Variants in CRB2 observed in about 807,000 individuals in gnomAD.
CRB2 encodes protein crumbs homolog 2.
In CRB2, 85 loss-of-function variants were observed where a neutral mutation model predicts 110.9. That is an observed-to-expected ratio of 0.77 (90% CI 0.64 to 0.92). The LOEUF (loss-of-function observed/expected upper bound fraction) is 0.92. Ranked by LOEUF, CRB2 falls within the 40% of genes least tolerant of loss-of-function variation. The pLI is 0.00. For missense variants in CRB2, 1,843 were observed against 1,851.3 expected (o/e 1.00, Z 0.08); for synonymous variants, 907 against 831.0 (o/e 1.09, Z -1.57).
chr9:123,371,884 G>C (rs1336856812), intron 8 of CRB2, among the ~76,000 whole-genome samples: 2 of 152,108 alleles, frequency 1.3e-5, no homozygotes, highest in East Asian at 3.9e-4. Flanking sequence ...TTGGGGAGCG[G>C]GACACGCTTT....
At position 123,359,082 on chromosome 9, in the gene CRB2, G is replaced by A. The variant is rs79867995; in HGVS notation, c.94+2728G>A. Among the ~76,000 whole-genome samples the A allele has an allele frequency of 8.3e-3, 1,265 of 152,242 alleles. 12 individuals carry two copies. The highest frequency in any genetic ancestry group is 0.029 in the African/African-American group (1,200 of 41,520). On this transcript the variant is annotated intron_variant, in intron 1 of 12. Coordinates refer to ENST00000373631, the MANE Select transcript of CRB2 (RefSeq NM_173689.7). ...GTGCCAGGCACAGGGTAGGTGCTCC[G>A]TCCCTGACAGCTATTGTTGCAATTA...
At chr9:123,362,329 C>A (rs2041877735) in intron 1 of CRB2, among the ~76,000 whole-genome samples, 2 of 152,092 alleles carry the variant, frequency 1.3e-5, no homozygotes, top group Admixed American at 6.5e-5. Flanking sequence ...GGAGGAGCCT[C>A]ACCCTCTGGG....
chr9:123,355,729 G>C (rs566173470), upstream of CRB2, among the ~76,000 whole-genome samples: 28 of 151,000 alleles, frequency 1.9e-4, no homozygotes, highest in South Asian at 3.2e-3. Context: ...AGCAGCAGGT[G>C]GGGGGACGAG....
At chr9:123,376,488 G>A (rs866128180) in intron 12 of CRB2, among the ~76,000 whole-genome samples, 1 of 152,212 alleles carries the variant, frequency 6.6e-6, no homozygotes, top group South Asian at 2.1e-4. Flanking sequence ...GTGGCAGGGG[G>A]CCGCTCAGCC....
chr9:123,354,769 G>GTATCACC (rs2041780851), upstream of CRB2, among the ~76,000 whole-genome samples: 1 of 152,222 alleles, frequency 6.6e-6, no homozygotes, highest in Non-Finnish European at 1.5e-5. Flanking sequence ...TGGGGCAGGG[G>GTATCACC]CAGTGGATAA....
chr9:123,360,013 G>A (rs1047309382), intron 1 of CRB2, among the ~76,000 whole-genome samples: 2 of 152,114 alleles, frequency 1.3e-5, no homozygotes, highest in Non-Finnish European at 2.9e-5. Context: ...TGGCAATTTA[G>A]GGTTTGTAAA....
Position 123,367,775 on chromosome 9 carries a change from G to A in CRB2, c.1054+89G>A, listed in dbSNP as rs113510098. On this transcript the variant is annotated intron_variant, in intron 6 of 12. Coordinates refer to ENST00000373631, the MANE Select transcript of CRB2 (RefSeq NM_173689.7). Reference sequence around the variant, plus strand: ...TTCTGTCTGGATGTGTGGATTGATGGGGTCAAGGAGATCAGGGAGGAGGTG... The same window carrying A: ...TTCTGTCTGGATGTGTGGATTGATGAGGTCAAGGAGATCAGGGAGGAGGTG... 6.9e-6 allele frequency: 6 copies of A among 875,674 alleles called. No individual in the cohort carries two copies. The African/African-American group carries it at 8.2e-5, about 12-fold the overall frequency. 54.2% of individuals were successfully genotyped at this position (875,674 alleles called of 1,614,324 possible).
chr9:123,375,683 G>A (rs1438416395), intron 12 of CRB2, among the ~76,000 whole-genome samples: 1 of 152,208 alleles, frequency 6.6e-6, no homozygotes. Flanking sequence ...TGGGATTTAG[G>A]TTGGTGAATC....
At position 123,367,602 on chromosome 9, in the gene CRB2, T is replaced by A; in HGVS notation, c.970T>A (p.Cys324Ser). Residue 324 changes from cysteine to serine, a missense_variant, in exon 6 of 13, where the codon TGT becomes AGT. By Grantham distance (112) the Cys-to-Ser change is moderately radical. Transcript: ENST00000373631. Reference sequence around the variant, plus strand: ...CGACTGCGGTGTGGAGGTGGACGAGTGTGCCTCACGGCCATGCCTCAACGG... The same window carrying A: ...CGACTGCGGTGTGGAGGTGGACGAGAGTGCCTCACGGCCATGCCTCAACGG... ...GADCGVEVDECASRPCLNGGH... is the reference protein window; with the variant it reads ...GADCGVEVDESASRPCLNGGH... 2 of 1,563,396 alleles carry A rather than the reference T, an allele frequency of 1.3e-6. No individual in the cohort carries two copies. The highest frequency in any genetic ancestry group is 1.7e-6 in the Non-Finnish European group (2 of 1,154,882).
chr9:123,367,440 C>T, intron 5 of CRB2, 83 bp downstream of exon 5: 4 of 1,006,082 alleles, frequency 4.0e-6, no homozygotes, highest in Non-Finnish European at 4.0e-6. Flanking sequence ...CCCCCCCCAC[C>T]CCCCCACCCC....
chr9:123,362,536 T>C (rs913004106), intron 1 of CRB2, among the ~76,000 whole-genome samples: 7 of 152,182 alleles, frequency 4.6e-5, no homozygotes, highest in Non-Finnish European at 1.0e-4. Context: ...GCATGACGGA[T>C]ACTGCCTCAA....
In CRB2 at chr9:123,374,569, C is replaced by G. The variant is rs776393875; in HGVS notation, c.3390-10C>G. On this transcript the variant is annotated splice_polypyrimidine_tract_variant and intron_variant, in intron 10 of 12. Transcript: ENST00000373631. ...TCCTGCACCCACTCCAGCCTCTGCT[C>G]TCTCCCCAGGTTGCCTGTCCCATCC... is the stretch of plus-strand genomic sequence containing the variant. 3 of 1,606,624 alleles carry G rather than the reference C, an allele frequency of 1.9e-6. No homozygotes were observed. Among genetic ancestry groups the G allele is most frequent in the South Asian group, 1.1e-5 (1 of 90,866 alleles).
intron 6 of CRB2, among the ~76,000 whole-genome samples, chr9:123,369,832 T>TG (rs1303411248): frequency 1.3e-5 from 2 of 151,734 alleles, no homozygotes; most frequent in African/African-American, 4.8e-5. Context: ...CCCAGACAGC[T>TG]GGTAAGGCAG....
downstream of CRB2, among the ~76,000 whole-genome samples, chr9:123,379,477 G>A (rs1466899824): frequency 6.6e-6 from 1 of 152,262 alleles, no homozygotes; most frequent in Admixed American, 6.5e-5. Flanking sequence ...GAGGGGCAGA[G>A]CATGAGCTGG....
rs1254522511 is a variant in CRB2 at position 123,377,336 on chromosome 9, CAGTGTGTTCAGG to C, written c.*282_*293del. On this transcript the variant is annotated 3_prime_UTR_variant, in exon 13 of 13. Coordinates refer to ENST00000373631, the MANE Select transcript of CRB2 (RefSeq NM_173689.7). The stretch of plus-strand genomic sequence containing the variant: ...GCGTGGGAGGGCACACGTGGGTTCA[CAGTGTGTTCAGG>C]AGTGTGTGTATCTGGAGGAGTGTGT... 1 of 466,202 alleles carries C rather than the reference CAGTGTGTTCAGG, an allele frequency of 2.1e-6. No homozygotes were observed. Among genetic ancestry groups the C allele is most frequent in the Admixed American group, 3.8e-5 (1 of 26,642 alleles). 28.9% of individuals were successfully genotyped at this position (466,202 alleles called of 1,614,324 possible). A position where few individuals can be genotyped will look rare whatever the true frequency, so the allele number is the denominator to read the frequency against.
chr9:123,367,288 G>A lies in CRB2; in HGVS notation c.871G>A (p.Ala291Thr), dbSNP rs749147164. 4.4e-6 allele frequency: 7 copies of A among 1,602,162 alleles called. No homozygotes were observed. Among genetic ancestry groups the A allele is most frequent in the Middle Eastern group, 1.7e-4 (1 of 6,048 alleles). Residue 291 changes from alanine to threonine, a missense_variant, in exon 5 of 13, where the codon GCC becomes ACC. Coordinates refer to ENST00000373631, the MANE Select transcript of CRB2 (RefSeq NM_173689.7). The stretch of plus-strand genomic sequence containing the variant: ...GGCCCTCTACGGGGGTGTCCAGGCC[G>A]CCTTCCCTGGCGCCTTCAGCTTCCG... ...DPALYGGVQA[A>T]FPGAFSFRHA...
intron 12 of CRB2, among the ~76,000 whole-genome samples, chr9:123,375,884 G>A (rs900031378): frequency 2.6e-5 from 4 of 152,124 alleles, no homozygotes; most frequent in Non-Finnish European, 4.4e-5. Flanking sequence ...GAACCTCCCC[G>A]CCACACCCCT....
rs751494357 is a variant in CRB2 at position 123,373,732 on chromosome 9, C to T, written c.3201C>T (p.His1067=). Reference sequence around the variant, plus strand: ...TGTGTGCGCCCTCGCCCTGTCTGCACGACGGTGCCTGCCGTGACCTCTTCG... The same window carrying T: ...TGTGTGCGCCCTCGCCCTGTCTGCATGACGGTGCCTGCCGTGACCTCTTCG... The part of the protein sequence containing the change: ...APVCAPSPCL[H]DGACRDLFDA... Residue 1067 remains histidine (H), a synonymous_variant, in exon 10 of 13, where the codon CAC becomes CAT. Transcript: ENST00000373631. The T allele has an allele frequency of 2.5e-6, 4 of 1,575,484 alleles. No homozygotes were observed. The highest frequency in any genetic ancestry group is 2.4e-5 in the East Asian group (1 of 42,346).
Position 123,358,844 on chromosome 9 carries a change from G to C in CRB2, c.94+2490G>C, listed in dbSNP as rs531926980. On this transcript the variant is annotated intron_variant, in intron 1 of 12. Transcript: ENST00000373631. Reference sequence around the variant, plus strand: ...GCTGGTATAAGGATTGGAAGAGAATGCAGTGAGCGGTTCCCCACCCCAGGT... The same window carrying C: ...GCTGGTATAAGGATTGGAAGAGAATCCAGTGAGCGGTTCCCCACCCCAGGT... Among the ~76,000 whole-genome samples the C allele has an allele frequency of 4.7e-3, 712 of 152,360 alleles. 12 individuals are homozygous for C. The highest frequency in any genetic ancestry group is 7.0e-3 in the Non-Finnish European group (479 of 68,034).
Sources: allele counts gnomAD v4.1 joint callset (sites outside exome capture counted in the v4.1 genomes callset), GRCh38; gene constraint gnomAD v4.1.1; transcripts MANE v1.5; gene names NCBI Gene and HGNC (gene_info 2026-07-23, HGNC 2026-07-21).